ARL4C: variants seen among roughly 807,000 people sequenced by gnomAD.
ARL4C encodes the protein ADP-ribosylation factor-like protein 4C.
Under a neutral mutation model 12.8 loss-of-function variants are expected in ARL4C, and 5 were observed. The ratio of observed to expected loss-of-function variants is 0.39; its 90% CI spans 0.20 to 0.82. ARL4C has a LOEUF of 0.82. ARL4C is among the 40% of genes least tolerant of loss of function. The pLI is 0.39. For missense variants in ARL4C, 148 were observed against 265.2 expected (o/e 0.56, Z 3.07); for synonymous variants, 119 against 119.4 (o/e 1.00, Z 0.02).
Position 234,496,641 on chromosome 2 carries a change from C to T in ARL4C, c.-55G>A. ...GCTGCGGCGGGAGGGCGCCGCCCCCCGAGCAGTCACGGGCCCGACGCGGCC... is the reference window on the plus strand; with the variant it reads ...GCTGCGGCGGGAGGGCGCCGCCCCCTGAGCAGTCACGGGCCCGACGCGGCC... On this transcript the variant is annotated 5_prime_UTR_variant, in exon 1 of 2. Coordinates refer to ENST00000339728, the MANE Select transcript of ARL4C (RefSeq NM_001282431.2). 1 of 1,320,904 alleles carries T rather than the reference C, an allele frequency of 7.6e-7. No individual in the cohort carries two copies. Among genetic ancestry groups the T allele is most frequent in the Non-Finnish European group, 9.8e-7 (1 of 1,022,994 alleles). The allele number at this position is 1,320,904 out of a possible 1,614,324, so 81.8% of individuals were successfully genotyped here.
chr2:234,496,427 G>A lies in ARL4C; in HGVS notation c.160C>T (p.Leu54=). 1 of 1,612,438 alleles carries A rather than the reference G, an allele frequency of 6.2e-7. No homozygotes were observed. Among genetic ancestry groups the A allele is most frequent in the Non-Finnish European group, 8.5e-7 (1 of 1,179,754 alleles). ...TIGFNTEKIK[L]SNGTAKGISC... The stretch of plus-strand genomic sequence containing the variant: ...ATGCCCTTGGCCGTGCCGTTGCTCA[G>A]CTTGATCTTCTCGGTGTTGAAGCCG... The change falls in exon 1 of 2, where the codon CTG becomes TTG. Residue 54 remains leucine (L), a synonymous_variant. Transcript: ENST00000339728.
rs1691789765 is a variant in ARL4C at position 234,496,668 on chromosome 2, G to C, written c.-82C>G. The C allele has an allele frequency of 1.1e-6, 1 of 892,264 alleles. No homozygotes were observed. Among genetic ancestry groups the C allele is most frequent in the Admixed American group, 5.6e-5 (1 of 17,758 alleles). 55.3% of individuals were successfully genotyped at this position (892,264 alleles called of 1,614,324 possible). Reference sequence around the variant, plus strand: ...AGCAGTCACGGGCCCGACGCGGCCGGGCGCACCTGGGCCCCGCCCGCCGCC... The same window carrying C: ...AGCAGTCACGGGCCCGACGCGGCCGCGCGCACCTGGGCCCCGCCCGCCGCC... On this transcript the variant is annotated 5_prime_UTR_variant, in exon 1 of 2. Transcript: ENST00000339728.
Position 234,496,673 on chromosome 2 carries a change from A to C in ARL4C, c.-87T>G. 1 of 856,182 alleles carries C rather than the reference A, an allele frequency of 1.2e-6. No homozygotes were observed. Among genetic ancestry groups the C allele is most frequent in the Non-Finnish European group, 1.4e-6 (1 of 696,888 alleles). The allele number at this position is 856,182 out of a possible 1,614,324, so 53.0% of individuals were successfully genotyped here. A position where few individuals can be genotyped will look rare whatever the true frequency, so the allele number is the denominator to read the frequency against. On this transcript the variant is annotated 5_prime_UTR_variant, in exon 1 of 2. Transcript: ENST00000339728. The stretch of plus-strand genomic sequence containing the variant: ...TCACGGGCCCGACGCGGCCGGGCGC[A>C]CCTGGGCCCCGCCCGCCGCCGCCCG...
Position 234,495,728 on chromosome 2 carries a change from C to G in ARL4C, c.*78G>C. On this transcript the variant is annotated 3_prime_UTR_variant, in exon 2 of 2. Coordinates refer to ENST00000339728, the MANE Select transcript of ARL4C (RefSeq NM_001282431.2). ...CCACTCCCCACCGCGGCCCCCCGAC[C>G]TGGTCAGTAGCTCTGGCGTTCAGAC... 6.3e-7 allele frequency: 1 copy of G among 1,583,122 alleles called. No individual in the cohort carries two copies.
rs758060535 is a variant in ARL4C, at chr2:234,496,113, C to T, written c.474G>A (p.Gln158=). 1 of 1,613,890 alleles carries T rather than the reference C, an allele frequency of 6.2e-7. No individual in the cohort carries two copies. The highest frequency in any genetic ancestry group is 8.5e-7 in the Non-Finnish European group (1 of 1,179,970). Residue 158 remains glutamine (Q), a synonymous_variant, in exon 1 of 2, where the codon CAG becomes CAA. Transcript: ENST00000339728. ...ELIPATTYHV[Q]PACAIIGEGL... ...CCTCGCCGATGATGGCGCACGCCGGCTGGACGTGATAGGTGGTGGCCGGGA... is the reference window on the plus strand; with the variant it reads ...CCTCGCCGATGATGGCGCACGCCGGTTGGACGTGATAGGTGGTGGCCGGGA...
chr2:234,496,040 T>G lies in ARL4C; in HGVS notation c.547A>C (p.Arg183=). 1 of 1,606,598 alleles carries G rather than the reference T, an allele frequency of 6.2e-7. No homozygotes were observed. Among genetic ancestry groups the G allele is most frequent in the Non-Finnish European group, 8.5e-7 (1 of 1,175,982 alleles). Residue 183 remains arginine (R), a synonymous_variant, in exon 1 of 2, where the codon AGG becomes CGG. Coordinates refer to ENST00000339728, the MANE Select transcript of ARL4C (RefSeq NM_001282431.2). ...TTCTTCTTCTGCTTGAGGGACTTCC[T>G]GCGTTTCAGGATCATCTCATAGAGC... ...DKLYEMILKR[R]KSLKQKKKRT... is the part of the protein sequence containing the mutation.
rs1325555066 is a variant in ARL4C at position 234,493,900 on chromosome 2, T to C, written c.*1906A>G. The stretch of plus-strand genomic sequence containing the variant: ...CACTGCTTAGCTAGACTTTCTCTAC[T>C]GAGTTTCTACAAAAAGACCAGCATT... On this transcript the variant is annotated 3_prime_UTR_variant, in exon 2 of 2. Coordinates refer to ENST00000339728, the MANE Select transcript of ARL4C (RefSeq NM_001282431.2). 4 of 152,614 alleles carry C rather than the reference T, an allele frequency of 2.6e-5. No individual in the cohort carries two copies. Among genetic ancestry groups the C allele is most frequent in the African/African-American group, 4.8e-5 (2 of 41,448 alleles). 9.5% of individuals were successfully genotyped at this position (152,614 alleles called of 1,614,324 possible).
Position 234,496,652 on chromosome 2 carries a change from G to T in ARL4C, c.-66C>A, listed in dbSNP as rs1309561086. ...AGGGCGCCGCCCCCCGAGCAGTCAC[G>T]GGCCCGACGCGGCCGGGCGCACCTG... On this transcript the variant is annotated 5_prime_UTR_variant, in exon 1 of 2. Coordinates refer to ENST00000339728, the MANE Select transcript of ARL4C (RefSeq NM_001282431.2). 15 of 1,143,068 alleles carry T rather than the reference G, an allele frequency of 1.3e-5. No individual in the cohort carries two copies. Among genetic ancestry groups the T allele is most frequent in the South Asian group, 7.2e-5 (2 of 27,898 alleles). 70.8% of individuals were successfully genotyped at this position (1,143,068 alleles called of 1,614,324 possible). A position where few individuals can be genotyped will look rare whatever the true frequency, so the allele number is the denominator to read the frequency against.
rs569485811 is a variant in ARL4C at position 234,493,163 on chromosome 2, C to T, written c.*2643G>A. ...CAGCAGTAGAAAGGAAAACAGAAAC[C>T]AGGGCACACAGTTCCAACACCAGAA... On this transcript the variant is annotated 3_prime_UTR_variant, in exon 2 of 2. Coordinates refer to ENST00000339728, the MANE Select transcript of ARL4C (RefSeq NM_001282431.2). 1.3e-5 allele frequency: 2 copies of T among 152,718 alleles called. No homozygotes were observed. The highest frequency in any genetic ancestry group is 2.1e-4 in the South Asian group (1 of 4,824). The allele number at this position is 152,718 out of a possible 1,614,324, so 9.5% of individuals were successfully genotyped here. A position where few individuals can be genotyped will look rare whatever the true frequency, so the allele number is the denominator to read the frequency against.
chr2:234,496,248 C>G lies in ARL4C; in HGVS notation c.339G>C (p.Lys113Asn), dbSNP rs987916685. ...EAKTELHKVT[K>N]FAENQGTPLL... Reference sequence around the variant, plus strand: ...GCGGCGTGCCCTGGTTCTCGGCGAACTTGGTCACCTTGTGCAGCTCCGTCT... The same window carrying G: ...GCGGCGTGCCCTGGTTCTCGGCGAAGTTGGTCACCTTGTGCAGCTCCGTCT... The change falls in exon 1 of 2, where the codon AAG (lysine) becomes AAC (asparagine). Residue 113 changes from lysine to asparagine, a missense_variant. Physicochemically the swap from Lys to Asn is moderately conservative, Grantham distance 94. Transcript: ENST00000339728. 1 of 1,584,700 alleles carries G rather than the reference C, an allele frequency of 6.3e-7. No homozygotes were observed. The highest frequency in any genetic ancestry group is 1.2e-5 in the South Asian group (1 of 86,674).
Position 234,496,280 on chromosome 2 carries a change from C to T in ARL4C, c.307G>A (p.Glu103Lys). Residue 103 changes from glutamate (E) to lysine (K), a missense_variant, in exon 1 of 2, where the codon GAG becomes AAG. This residue lies in a region of ARL4C where 27 missense variants were observed against 25.6 expected (regional missense o/e 1.06). Coordinates refer to ENST00000339728, the MANE Select transcript of ARL4C (RefSeq NM_001282431.2). ...VDSVDVDRLEEAKTELHKVTK... is the reference protein window; with the variant it reads ...VDSVDVDRLEKAKTELHKVTK... ...ACCTTGTGCAGCTCCGTCTTGGCCTCCTCCAGCCGGTCCACGTCCACCGAG... is the reference window on the plus strand; with the variant it reads ...ACCTTGTGCAGCTCCGTCTTGGCCTTCTCCAGCCGGTCCACGTCCACCGAG... The T allele has an allele frequency of 1.2e-6, 2 of 1,601,790 alleles. No individual in the cohort carries two copies. Among genetic ancestry groups the T allele is most frequent in the Non-Finnish European group, 1.7e-6 (2 of 1,173,756 alleles).
rs745346264 is a variant in ARL4C at position 234,495,777 on chromosome 2, G to T, written c.*29C>A. On this transcript the variant is annotated 3_prime_UTR_variant, in exon 2 of 2. Coordinates refer to ENST00000339728, the MANE Select transcript of ARL4C (RefSeq NM_001282431.2). ...ACAAAAGGTCCCCTGAGCTGGGGGTGGGGGGCAGGTCGAGAGTAGGCCGGT... is the reference window on the plus strand; with the variant it reads ...ACAAAAGGTCCCCTGAGCTGGGGGTTGGGGGCAGGTCGAGAGTAGGCCGGT... 4 of 1,597,968 alleles carry T rather than the reference G, an allele frequency of 2.5e-6. No individual in the cohort carries two copies. In the South Asian group the frequency reaches 3.3e-5, roughly 13 times the overall value.
chr2:234,495,885 TG>T (rs771215050), intron 1 of ARL4C, 49 bp from the exon 2 acceptor site: 1 of 1,602,172 alleles, frequency 6.2e-7, no homozygotes, highest in African/African-American at 1.3e-5. Context: ...AGCATCGCTT[TG>T]GTTCGCTCTT....
In ARL4C at chr2:234,493,327, A is replaced by G. The variant is rs1410474156; in HGVS notation, c.*2479T>C. Reference sequence around the variant, plus strand: ...CACTCGCCAAAGGGCAGAAGGCATCATAAATCACCCATTGATACATTGGTG... The same window carrying G: ...CACTCGCCAAAGGGCAGAAGGCATCGTAAATCACCCATTGATACATTGGTG... On this transcript the variant is annotated 3_prime_UTR_variant, in exon 2 of 2. Coordinates refer to ENST00000339728, the MANE Select transcript of ARL4C (RefSeq NM_001282431.2). 6.6e-6 allele frequency: 1 copy of G among 152,276 alleles called. No individual in the cohort carries two copies. The allele number at this position is 152,276 out of a possible 1,614,324, so 9.4% of individuals were successfully genotyped here. A position where few individuals can be genotyped will look rare whatever the true frequency, so the allele number is the denominator to read the frequency against.
chr2:234,495,819 C>A lies in ARL4C; in HGVS notation c.593G>T (p.Ser198Ile), dbSNP rs554443460. 2 of 1,598,532 alleles carry A rather than the reference C, an allele frequency of 1.3e-6. No individual in the cohort carries two copies. Among genetic ancestry groups the A allele is most frequent in the South Asian group, 2.2e-5 (2 of 91,082 alleles). ...TAGGCCGGTAAATCAGACTTCGCAGCTCCTTAAGTCACCAGTCCTGCATTT... is the reference window on the plus strand; with the variant it reads ...TAGGCCGGTAAATCAGACTTCGCAGATCCTTAAGTCACCAGTCCTGCATTT... ...QKKKRTGDLR[S>I]CEV The change falls in exon 2 of 2, where the codon AGC (serine) becomes ATC (isoleucine). Residue 198 changes from serine (S) to isoleucine (I), a missense_variant. Physicochemically the swap from Ser to Ile is moderately radical, Grantham distance 142 (BLOSUM62 -2). Around this residue, in one of 4 missense-constraint regions of ARL4C, gnomAD observed 28 missense variants for 24.3 expected, o/e 1.15. Coordinates refer to ENST00000339728, the MANE Select transcript of ARL4C (RefSeq NM_001282431.2).
Position 234,495,616 on chromosome 2 carries a change from G to T in ARL4C, c.*190C>A. 1 of 698,296 alleles carries T rather than the reference G, an allele frequency of 1.4e-6. No homozygotes were observed. Among genetic ancestry groups the T allele is most frequent in the Non-Finnish European group, 2.4e-6 (1 of 412,128 alleles). The allele number at this position is 698,296 out of a possible 1,614,324, so 43.3% of individuals were successfully genotyped here. On this transcript the variant is annotated 3_prime_UTR_variant, in exon 2 of 2. Transcript: ENST00000339728. ...CGGGGCAGCCTGAACTTCTGGCCCTGCAGGAGTGGGAAGAAATCGCTTTTG... is the reference window on the plus strand; with the variant it reads ...CGGGGCAGCCTGAACTTCTGGCCCTTCAGGAGTGGGAAGAAATCGCTTTTG...
chr2:234,493,611 T>C lies in ARL4C; in HGVS notation c.*2195A>G, dbSNP rs1165926489. Reference sequence around the variant, plus strand: ...AAGCATGACAGGGTTTGAACAGTGATCTTGAACCTAAGTATTGTTATCATG... The same window carrying C: ...AAGCATGACAGGGTTTGAACAGTGACCTTGAACCTAAGTATTGTTATCATG... On this transcript the variant is annotated 3_prime_UTR_variant, in exon 2 of 2. Transcript: ENST00000339728. 6.6e-6 allele frequency: 1 copy of C among 152,658 alleles called. No individual in the cohort carries two copies. Among genetic ancestry groups the C allele is most frequent in the Admixed American group, 6.5e-5 (1 of 15,278 alleles). 9.5% of individuals were successfully genotyped at this position (152,658 alleles called of 1,614,324 possible).
In ARL4C at chr2:234,495,718, GC is replaced by G; in HGVS notation, c.*87del. 4 of 1,548,128 alleles carry G rather than the reference GC, an allele frequency of 2.6e-6. No homozygotes were observed. Among genetic ancestry groups the G allele is most frequent in the South Asian group, 1.1e-5 (1 of 89,952 alleles). On this transcript the variant is annotated 3_prime_UTR_variant, in exon 2 of 2. Transcript: ENST00000339728. ...ACCGGCTCTTCCACTCCCCACCGCG[GC>G]CCCCCGACCTGGTCAGTAGCTCTGG...
chr2:234,495,145 T>A lies in ARL4C; in HGVS notation c.*661A>T, dbSNP rs113211016. On this transcript the variant is annotated 3_prime_UTR_variant, in exon 2 of 2. Coordinates refer to ENST00000339728, the MANE Select transcript of ARL4C (RefSeq NM_001282431.2). ...ACCACCTCCAATAGTTCGTCTTTTT[T>A]TTTTTTTATTTTTTTTATTTTTATT... 6.7e-5 allele frequency: 10 copies of A among 149,850 alleles called. No individual in the cohort carries two copies. Among genetic ancestry groups the A allele is most frequent in the Admixed American group, 2.1e-4 (3 of 14,264 alleles). 9.3% of individuals were successfully genotyped at this position (149,850 alleles called of 1,614,324 possible). A position where few individuals can be genotyped will look rare whatever the true frequency, so the allele number is the denominator to read the frequency against.
Sources: allele counts gnomAD v4.1 joint callset, GRCh38; gene constraint gnomAD v4.1.1; regional missense constraint gnomAD v4.1.1; transcripts MANE v1.5; gene names NCBI Gene and HGNC (gene_info 2026-07-23, HGNC 2026-07-21).